Variants in NSUN6 observed in about 807,000 individuals in gnomAD.
NSUN6 encodes tRNA (cytosine(72)-C(5))-methyltransferase NSUN6.
A neutral mutation model predicts 58.0 loss-of-function variants in NSUN6; 64 were observed. The observed-to-expected ratio is 1.10, with a 90% CI of 0.90 to 1.36. The LOEUF (loss-of-function observed/expected upper bound fraction) is 1.36. Among genes scored for constraint, NSUN6 ranks in the 40% most tolerant of loss-of-function variants. The pLI, the probability that NSUN6 is intolerant of heterozygous loss-of-function variation, is 0.00. For synonymous variants in NSUN6, 231 were observed against 193.9 expected, an observed-to-expected ratio of 1.19 and a Z score of -1.59; for missense variants, 701 against 550.1, an observed-to-expected ratio of 1.27 and a Z score of -2.74.
intron 9 of NSUN6, 181 bp downstream of exon 9, chr10:18,551,642 G>C (rs961617448): frequency 4.4e-6 from 2 of 450,556 alleles, no homozygotes; most frequent in African/African-American, 4.0e-5. Context: ...TTTGAAGGCT[G>C]AATAATGTTC....
intron 7 of NSUN6, among the ~76,000 whole-genome samples, chr10:18,588,830 T>C (rs947080483): frequency 6.6e-6 from 1 of 152,174 alleles, no homozygotes; most frequent in Admixed American, 6.5e-5. Context: ...ACAAAAATGC[T>C]GAAAATTCCA....
chr10:18,587,995 T>C (rs1241841000), intron 7 of NSUN6, among the ~76,000 whole-genome samples: 2 of 152,124 alleles, frequency 1.3e-5, no homozygotes, highest in Non-Finnish European at 2.9e-5. Flanking sequence ...GGTCCCACTG[T>C]CACGGAGCCC....
intron 3 of NSUN6, among the ~76,000 whole-genome samples, chr10:18,628,957 T>C (rs888625579): frequency 1.4e-4 from 22 of 152,212 alleles, no homozygotes; most frequent in Admixed American, 7.9e-4. Flanking sequence ...AATTGTCAGA[T>C]TCACCAAAGT....
rs143313673 is a variant in NSUN6 at position 18,610,433 on chromosome 10, G to A, written c.576-507C>T. Reference sequence around the variant, plus strand: ...TTTTGAATTTTTACCTGCAGAATACGAAGCCATCAGAACTAAAAAGGAAAA... The same window carrying A: ...TTTTGAATTTTTACCTGCAGAATACAAAGCCATCAGAACTAAAAAGGAAAA... On this transcript the variant is annotated intron_variant, in intron 5 of 10. Coordinates refer to ENST00000377304, the MANE Select transcript of NSUN6 (RefSeq NM_182543.5). 6.6e-5 allele frequency among the ~76,000 whole-genome samples: 10 copies of A among 152,260 alleles called. No individual in the cohort carries two copies. The East Asian group carries it at 7.7e-4, about 12-fold the overall frequency.
Position 18,546,029 on chromosome 10 carries a change from A to G in NSUN6, c.1314T>C (p.Ser438=). The change falls in exon 11 of 11, where the codon TCT becomes TCC. Residue 438 remains serine, a synonymous_variant. Coordinates refer to ENST00000377304, the MANE Select transcript of NSUN6 (RefSeq NM_182543.5). Reference sequence around the variant, plus strand: ...TGTCTTCTCTTCTGGCCTCTCTAAGAGAGTCCATGTCAGTGTCCGGTAATG... The same window carrying G: ...TGTCTTCTCTTCTGGCCTCTCTAAGGGAGTCCATGTCAGTGTCCGGTAATG... ...AVPLPDTDMD[S]LREARREDML... 1.3e-6 allele frequency: 2 copies of G among 1,597,530 alleles called. No individual in the cohort carries two copies. The highest frequency in any genetic ancestry group is 1.7e-6 in the Non-Finnish European group (2 of 1,174,646).
intron 7 of NSUN6, among the ~76,000 whole-genome samples, chr10:18,586,450 T>G (rs1364781958): frequency 6.6e-6 from 1 of 152,214 alleles, no homozygotes; most frequent in Non-Finnish European, 1.5e-5. Context: ...GCCGCAGACC[T>G]TCGCAGTGAG....
intron 3 of NSUN6, among the ~76,000 whole-genome samples, chr10:18,627,784 A>G (rs1243515475): frequency 3.9e-5 from 6 of 152,250 alleles, no homozygotes; most frequent in Non-Finnish European, 7.3e-5. Context: ...CTGATTGCTA[A>G]CGCAGCAGTC....
At chr10:18,554,017 T>G (rs1023105077) in intron 8 of NSUN6, among the ~76,000 whole-genome samples, 1 of 149,144 alleles carries the variant, frequency 6.7e-6, no homozygotes, top group African/African-American at 2.5e-5. Flanking sequence ...GATTACAGAA[T>G]GGAATGGCAT....
chr10:18,590,004 G>A (rs542805852), intron 7 of NSUN6, among the ~76,000 whole-genome samples: 4 of 152,068 alleles, frequency 2.6e-5, no homozygotes, highest in South Asian at 2.1e-4. Flanking sequence ...TGCTGTATTC[G>A]GGAGACCCAT....
chr10:18,575,471 T>G (rs1292029417), intron 8 of NSUN6, among the ~76,000 whole-genome samples: 1 of 152,192 alleles, frequency 6.6e-6, no homozygotes, highest in East Asian at 1.9e-4. Context: ...ATTGAAAATA[T>G]AGTATCCAGG....
intron 6 of NSUN6, among the ~76,000 whole-genome samples, chr10:18,606,499 C>T (rs561053788): frequency 1.3e-5 from 2 of 152,266 alleles, no homozygotes; most frequent in Non-Finnish European, 1.5e-5. Flanking sequence ...AATCTGAATA[C>T]CAGTTGGAGT....
intron 8 of NSUN6, among the ~76,000 whole-genome samples, chr10:18,577,682 G>C (rs1349043961): frequency 6.6e-6 from 1 of 152,154 alleles, no homozygotes; most frequent in African/African-American, 2.4e-5. Flanking sequence ...TCTCTTCAAA[G>C]AATCAATATG....
chr10:18,619,164 G>A (rs1342297723), intron 3 of NSUN6, among the ~76,000 whole-genome samples: 1 of 152,188 alleles, frequency 6.6e-6, no homozygotes, highest in Non-Finnish European at 1.5e-5. Context: ...CAAGTGTTTG[G>A]CTTGGACTGA....
intron 3 of NSUN6, among the ~76,000 whole-genome samples, chr10:18,639,844 A>C (rs2059338514): frequency 6.6e-6 from 1 of 152,242 alleles, no homozygotes; most frequent in Non-Finnish European, 1.5e-5. Context: ...TGAAACATTA[A>C]CTGGTAAAAC....
At chr10:18,561,621 AGAATG>A (rs1402641955) in intron 8 of NSUN6, among the ~76,000 whole-genome samples, 2 of 143,784 alleles carry the variant, frequency 1.4e-5, no homozygotes, top group Admixed American at 1.4e-4. Flanking sequence ...AGTGGTGAAC[AGAATG>A]GAATGGAATG....
At chr10:18,569,608 C>A (rs1157949149) in intron 8 of NSUN6, among the ~76,000 whole-genome samples, 3 of 150,978 alleles carry the variant, frequency 2.0e-5, no homozygotes, top group Non-Finnish European at 4.4e-5. Context: ...ATTCCATTCT[C>A]CTTACCAACC....
At chr10:18,569,212 C>G (rs1365269854) in intron 8 of NSUN6, among the ~76,000 whole-genome samples, 1 of 150,908 alleles carries the variant, frequency 6.6e-6, no homozygotes, top group South Asian at 2.1e-4. Flanking sequence ...ATTCTGCATT[C>G]CATTCTCCAT....
intron 8 of NSUN6, among the ~76,000 whole-genome samples, chr10:18,567,506 ATTCT>A (rs2056047798): frequency 6.9e-6 from 1 of 145,538 alleles, no homozygotes; most frequent in African/African-American, 2.6e-5. Flanking sequence ...TCTCCATTCC[ATTCT>A]ATTCACCACT....
chr10:18,600,941 A>AATATATATATATATATATATAT (rs1170475510), intron 6 of NSUN6, among the ~76,000 whole-genome samples: 2 of 43,530 alleles, frequency 4.6e-5, no homozygotes, highest in Non-Finnish European at 8.9e-5. Flanking sequence ...AAAAAAAAAA[A>AATATATATATATATATATATAT]ATATATATAT....
Sources: allele counts gnomAD v4.1 joint callset (sites outside exome capture counted in the v4.1 genomes callset), GRCh38; gene constraint gnomAD v4.1.1; transcripts MANE v1.5; gene names NCBI Gene and HGNC (gene_info 2026-07-23, HGNC 2026-07-21).